Variants in ZNF423 observed in about 807,000 individuals in gnomAD.
ZNF423 encodes the protein Ebf-associated zinc finger protein.
A neutral mutation model predicts 95.8 loss-of-function variants in ZNF423; 12 were observed. That is an observed-to-expected ratio of 0.13 (90% CI 0.08 to 0.20). The LOEUF (loss-of-function observed/expected upper bound fraction) is 0.20. ZNF423 is among the 10% of genes least tolerant of loss of function. The pLI is 1.00. For missense variants in ZNF423, 1,316 were observed against 1,737.1 expected, an observed-to-expected ratio of 0.76 and a Z score of 4.31; for synonymous variants, 749 against 711.9, an observed-to-expected ratio of 1.05 and a Z score of -0.83.
intron 1 of ZNF423, among the ~76,000 whole-genome samples, chr16:49,832,070 G>A (rs1443587799): frequency 6.6e-6 from 1 of 152,114 alleles, no homozygotes; most frequent in African/African-American, 2.4e-5. Flanking sequence ...TAAAGTGGAG[G>A]CTCCATAAAG....
intron 7 of ZNF423, among the ~76,000 whole-genome samples, chr16:49,520,743 C>A (rs530090641): frequency 3.0e-4 from 45 of 152,336 alleles, no homozygotes; most frequent in African/African-American, 9.9e-4. Flanking sequence ...GCCTGTTCCA[C>A]CCAACCAGGG....
intron 1 of ZNF423, among the ~76,000 whole-genome samples, chr16:49,824,376 A>G (rs2034983607): frequency 6.6e-6 from 1 of 152,154 alleles, no homozygotes; most frequent in Non-Finnish European, 1.5e-5. Context: ...GTGACAAGAG[A>G]CAGAGCCAGG....
intron 1 of ZNF423, among the ~76,000 whole-genome samples, chr16:49,820,537 G>T (rs1291368631): frequency 6.6e-6 from 1 of 152,012 alleles, no homozygotes; most frequent in East Asian, 1.9e-4. Context: ...TTTTAATAAG[G>T]AGAAATAATT....
intron 3 of ZNF423, among the ~76,000 whole-genome samples, chr16:49,713,891 G>A (rs989488857): frequency 1.3e-5 from 2 of 152,172 alleles, no homozygotes; most frequent in Non-Finnish European, 2.9e-5. Flanking sequence ...TCACTCCCCC[G>A]CTGCCAGGGC....
intron 1 of ZNF423, among the ~76,000 whole-genome samples, chr16:49,851,307 G>A (rs1199223994): frequency 4.6e-5 from 7 of 152,050 alleles, no homozygotes; most frequent in East Asian, 1.9e-4. Flanking sequence ...TCAAAGAGCC[G>A]GGGAGCATGT....
Position 49,840,985 on chromosome 16 carries a change from C to T in ZNF423, c.40+14750G>A, listed in dbSNP as rs559756750. On this transcript the variant is annotated intron_variant, in intron 1 of 7. Coordinates refer to ENST00000563137, the MANE Select transcript of ZNF423 (RefSeq NM_001379286.1). ...CGAGGAGAGATCCAAAAGCCCCCTTCAAACCTGGTGTCTCTAAAAAGGGCA... is the reference window on the plus strand; with the variant it reads ...CGAGGAGAGATCCAAAAGCCCCCTTTAAACCTGGTGTCTCTAAAAAGGGCA... Among the ~76,000 whole-genome samples, 80 of 152,318 alleles carry T rather than the reference C, an allele frequency of 5.3e-4. 1 individual carries two copies. In the South Asian group the frequency reaches 0.016, roughly 30 times the overall value.
chr16:49,714,627 A>G (rs2032648318), intron 3 of ZNF423, among the ~76,000 whole-genome samples: 2 of 147,538 alleles, frequency 1.4e-5, no homozygotes, highest in Admixed American at 1.3e-4. Flanking sequence ...GCCTGGGAGA[A>G]AAAAAAAAAA....
At chr16:49,735,316 T>G (rs560607428) in intron 2 of ZNF423, among the ~76,000 whole-genome samples, 16 of 152,292 alleles carry the variant, frequency 1.1e-4, no homozygotes, top group African/African-American at 3.8e-4. Flanking sequence ...CCTACGGAAG[T>G]TGGGGCCCCA....
intron 1 of ZNF423, among the ~76,000 whole-genome samples, chr16:49,791,640 A>T (rs1408081461): frequency 1.3e-5 from 2 of 152,198 alleles, no homozygotes; most frequent in African/African-American, 2.4e-5. Context: ...AAGAGGTCAG[A>T]TATGTTAAAT....
chr16:49,587,486 C>T (rs1047275490), intron 5 of ZNF423, among the ~76,000 whole-genome samples: 6 of 152,080 alleles, frequency 3.9e-5, no homozygotes, highest in African/African-American at 1.4e-4. Context: ...GTGGAAGGAG[C>T]TGATCTAGGA....
At chr16:49,685,451 C>T (rs1028666319) in intron 3 of ZNF423, among the ~76,000 whole-genome samples, 2 of 152,126 alleles carry the variant, frequency 1.3e-5, no homozygotes, top group Non-Finnish European at 2.9e-5. Context: ...CTGTCCCTAC[C>T]AGCTTTGTCC....
In ZNF423 at chr16:49,638,188, T is replaced by C. The variant is rs778618400; in HGVS notation, c.988A>G (p.Lys330Glu). The change falls in exon 4 of 8, where the codon AAA becomes GAA. Residue 330 changes from lysine to glutamate, a missense_variant. By Grantham distance (56) the Lys-to-Glu change is moderately conservative (BLOSUM62 1). Transcript: ENST00000563137. The surrounding 1 kb of genome is among the most constrained non-coding windows in gnomAD (Gnocchi z 5.6). ...TCAGGGCACATGGGGCACTTGTGTTTCTGGTTGGCGTGGGCTTGGTGGATA... is the reference window on the plus strand; with the variant it reads ...TCAGGGCACATGGGGCACTTGTGTTCCTGGTTGGCGTGGGCTTGGTGGATA... ...AHIHQAHANQ[K>E]HKCPMCPEQF... is the part of the protein sequence containing the mutation. 18 of 1,608,274 alleles carry C rather than the reference T, an allele frequency of 1.1e-5. No individual in the cohort carries two copies. In the East Asian group the frequency reaches 4.0e-4, roughly 36 times the overall value.
chr16:49,659,460 G>A (rs1328994877), intron 3 of ZNF423, among the ~76,000 whole-genome samples: 1 of 152,206 alleles, frequency 6.6e-6, no homozygotes, highest in Non-Finnish European at 1.5e-5. Flanking sequence ...ACGATGTATT[G>A]TGCATTGTAC....
chr16:49,715,758 C>A (rs890676272), intron 3 of ZNF423, among the ~76,000 whole-genome samples: 2 of 151,192 alleles, frequency 1.3e-5, no homozygotes, highest in East Asian at 2.0e-4. Flanking sequence ...ACAACAAAAG[C>A]CAGACACAGT....
intron 3 of ZNF423, among the ~76,000 whole-genome samples, chr16:49,728,731 T>TTTAC (rs2033089580): frequency 6.6e-6 from 1 of 151,276 alleles, no homozygotes; most frequent in South Asian, 2.1e-4. Flanking sequence ...CTTTTATTTA[T>TTTAC]TTATTTATTT....
intron 1 of ZNF423, among the ~76,000 whole-genome samples, chr16:49,809,824 G>C (rs2034723437): frequency 6.6e-6 from 1 of 152,166 alleles, no homozygotes; most frequent in South Asian, 2.1e-4. Flanking sequence ...AGGGGGTCTG[G>C]GGCTGGAGGG....
At chr16:49,677,611 C>G (rs2031169358) in intron 3 of ZNF423, among the ~76,000 whole-genome samples, 1 of 151,064 alleles carries the variant, frequency 6.6e-6, no homozygotes, top group South Asian at 2.1e-4. Flanking sequence ...GCAGTGAGAC[C>G]CTGTCTCTAT....
rs1256824294 is a variant in ZNF423, at chr16:49,490,283, G to C, written c.*992C>G. The C allele has an allele frequency of 6.6e-6, 1 of 152,298 alleles. No individual in the cohort carries two copies. The highest frequency in any genetic ancestry group is 1.5e-5 in the Non-Finnish European group (1 of 68,070). 9.4% of individuals were successfully genotyped at this position (152,298 alleles called of 1,614,324 possible). On this transcript the variant is annotated 3_prime_UTR_variant, in exon 8 of 8. Coordinates refer to ENST00000563137, the MANE Select transcript of ZNF423 (RefSeq NM_001379286.1). ...GAAAGCCAAGAAGACTTCACAATCA[G>C]CATGGTGACCAACCTGCTGCGTGGC...
intron 5 of ZNF423, among the ~76,000 whole-genome samples, chr16:49,618,900 T>C (rs1971966699): frequency 6.6e-6 from 1 of 152,142 alleles, no homozygotes; most frequent in East Asian, 1.9e-4. Context: ...CTCCAGCCCA[T>C]ATCCTCCTAT....
Sources: allele counts gnomAD v4.1 joint callset (sites outside exome capture counted in the v4.1 genomes callset), GRCh38; gene constraint gnomAD v4.1.1; non-coding constraint Gnocchi (gnomAD v3.1); transcripts MANE v1.5; gene names NCBI Gene and HGNC (gene_info 2026-07-23, HGNC 2026-07-21).